Variants in RAP1GAP2 observed in about 807,000 individuals in gnomAD.
RAP1GAP2 encodes the protein RAP1 GTPase activating protein 2.
Under a neutral mutation model 95.0 loss-of-function variants are expected in RAP1GAP2, and 27 were observed. That is an observed-to-expected ratio of 0.28 (90% CI 0.21 to 0.39). The LOEUF (loss-of-function observed/expected upper bound fraction) is 0.39. Ranked by LOEUF, RAP1GAP2 falls within the 10% of genes least tolerant of loss-of-function variation. The pLI is 1.00. For synonymous variants in RAP1GAP2, 373 were observed against 380.9 expected, an observed-to-expected ratio of 0.98 and a Z score of 0.24; for missense variants, 771 against 970.0, an observed-to-expected ratio of 0.79 and a Z score of 2.72.
intron 2 of RAP1GAP2, among the ~76,000 whole-genome samples, chr17:2,840,487 G>A (rs1175355111): frequency 1.3e-5 from 2 of 151,800 alleles, no homozygotes; most frequent in Admixed American, 6.6e-5. Flanking sequence ...TCTTCCATCC[G>A]TAGTATACTG....
chr17:2,922,889 A>C (rs190131335), intron 3 of RAP1GAP2, among the ~76,000 whole-genome samples: 1 of 143,780 alleles, frequency 7.0e-6, no homozygotes, highest in Non-Finnish European at 1.5e-5. Flanking sequence ...TTGGAGTGCA[A>C]TGGTGCGACC....
At chr17:2,945,226 ATTGT>A (rs376502541) in intron 3 of RAP1GAP2, among the ~76,000 whole-genome samples, 284 of 151,960 alleles carry the variant, frequency 1.9e-3, no homozygotes, top group African/African-American at 5.6e-3. Context: ...TTGTTTATTG[ATTGT>A]TTATTTTAAT....
At chr17:2,876,462 G>A (rs188584941) in intron 2 of RAP1GAP2, among the ~76,000 whole-genome samples, 215 of 152,212 alleles carry the variant, frequency 1.4e-3, no homozygotes, top group African/African-American at 4.9e-3. Flanking sequence ...AACCAGAATC[G>A]GGGGTTTTGG....
intron 2 of RAP1GAP2, among the ~76,000 whole-genome samples, chr17:2,809,091 A>G (rs1447382498): frequency 6.6e-6 from 1 of 151,624 alleles, no homozygotes; most frequent in Non-Finnish European, 1.5e-5. Context: ...AGGTCTGCAG[A>G]CTCCAAGACC....
intron 3 of RAP1GAP2, among the ~76,000 whole-genome samples, chr17:2,914,211 A>G (rs1331195907): frequency 6.6e-6 from 1 of 151,996 alleles, no homozygotes. Context: ...CTGTTTGCCA[A>G]ATGGTCAGGC....
At chr17:2,909,248 T>A (rs1273076551) in intron 3 of RAP1GAP2, among the ~76,000 whole-genome samples, 1 of 151,968 alleles carries the variant, frequency 6.6e-6, no homozygotes, top group African/African-American at 2.4e-5. Context: ...TTCACGGTGG[T>A]GGGACCGGCA....
At chr17:2,890,318 T>C (rs17835077) in intron 2 of RAP1GAP2, among the ~76,000 whole-genome samples, 24,063 of 152,218 alleles carry the variant, frequency 0.16, 2,107 homozygotes, top group Non-Finnish European at 0.2. Flanking sequence ...CCTGAAATGC[T>C]GTAGTCTGTC....
At chr17:2,863,584 C>T (rs9895064) in intron 2 of RAP1GAP2, among the ~76,000 whole-genome samples, 98,124 of 152,120 alleles carry the variant, frequency 0.65, 31,929 homozygotes, top group African/African-American at 0.75. Flanking sequence ...TTCTCTTTCT[C>T]TACTGTAAAG....
intron 2 of RAP1GAP2, among the ~76,000 whole-genome samples, chr17:2,834,488 A>G (rs1480859005): frequency 6.6e-6 from 1 of 152,186 alleles, no homozygotes. Flanking sequence ...CTCCTGAGAA[A>G]TAACTTCAAG....
In RAP1GAP2 at chr17:3,027,862, C is replaced by T. The variant is rs931921534; in HGVS notation, c.2107+792C>T. On this transcript the variant is annotated intron_variant, in intron 22 of 24. Transcript: ENST00000254695. This position sits in a 1 kb window ranked among gnomAD's most constrained non-coding sequence, Gnocchi z 5.2. The stretch of plus-strand genomic sequence containing the variant: ...GGAGAGATCAAGGAGGTAAAATGTA[C>T]GGGCTCAGTAGCAGGGGTTCAGAGA... 2.0e-5 allele frequency among the ~76,000 whole-genome samples: 3 copies of T among 151,746 alleles called. No homozygotes were observed. The highest frequency in any genetic ancestry group is 1.9e-4 in the East Asian group (1 of 5,154).
upstream of RAP1GAP2, chr17:2,796,311 G>A (rs374873384): frequency 1.0e-4 from 58 of 574,402 alleles, no homozygotes; most frequent in East Asian, 7.3e-4. The surrounding 1 kb of genome is among the most constrained non-coding windows in gnomAD (Gnocchi z 4.7). Flanking sequence ...CAACCTCCTC[G>A]GCCTATCTTG....
rs887891566 is a variant in RAP1GAP2 at position 3,029,652 on chromosome 17, C to T, written c.2108-1270C>T. ...TGTTGTAGCCCTGGGTGGAACTCCTCGATTCGAAGCACCACGAACCAGCCA... is the reference window on the plus strand; with the variant it reads ...TGTTGTAGCCCTGGGTGGAACTCCTTGATTCGAAGCACCACGAACCAGCCA... On this transcript the variant is annotated intron_variant, in intron 22 of 24. Coordinates refer to ENST00000254695, the MANE Select transcript of RAP1GAP2 (RefSeq NM_015085.5). This position sits in a 1 kb window ranked among gnomAD's most constrained non-coding sequence, Gnocchi z 4.4. Among the ~76,000 whole-genome samples the T allele has an allele frequency of 2.0e-5, 3 of 152,100 alleles. No homozygotes were observed. The highest frequency in any genetic ancestry group is 4.8e-5 in the African/African-American group (2 of 41,404).
At chr17:2,929,876 G>A (rs1280455142) in intron 3 of RAP1GAP2, among the ~76,000 whole-genome samples, 1 of 152,094 alleles carries the variant, frequency 6.6e-6, no homozygotes, top group African/African-American at 2.4e-5. Context: ...AGTGCACCCC[G>A]AGATCACCAG....
chr17:2,996,127 G>C (rs761714539), intron 13 of RAP1GAP2, among the ~76,000 whole-genome samples: 6 of 152,040 alleles, frequency 3.9e-5, no homozygotes, highest in African/African-American at 1.5e-4. Flanking sequence ...TGGTTATTGC[G>C]TGAGAATCCT....
At chr17:2,984,260 C>G (rs1212554042) in intron 10 of RAP1GAP2, among the ~76,000 whole-genome samples, 1 of 152,060 alleles carries the variant, frequency 6.6e-6, no homozygotes, top group Non-Finnish European at 1.5e-5. Flanking sequence ...AGGCAGGAGA[C>G]TTGCTTGAAC....
At chr17:2,873,423 T>C (rs2072935269) in intron 2 of RAP1GAP2, among the ~76,000 whole-genome samples, 2 of 124,746 alleles carry the variant, frequency 1.6e-5, no homozygotes, top group Non-Finnish European at 1.6e-5. Flanking sequence ...TGCAATGAGC[T>C]GAGATTTTGC....
At chr17:2,780,709 C>T (rs1037150031) in intron 1 of RAP1GAP2, among the ~76,000 whole-genome samples, 17 of 152,236 alleles carry the variant, frequency 1.1e-4, no homozygotes, top group African/African-American at 4.1e-4. Flanking sequence ...ACCCAGCAGC[C>T]GCCGTCTTCA....
chr17:2,982,721 C>T (rs970227838), intron 10 of RAP1GAP2, among the ~76,000 whole-genome samples: 4 of 151,944 alleles, frequency 2.6e-5, no homozygotes, highest in African/African-American at 9.7e-5. Context: ...ACTTAACTAC[C>T]GGTTTGGCAA....
In RAP1GAP2 at chr17:2,862,616, G is replaced by A. The variant is rs1222651314; in HGVS notation, c.81-42668G>A. 3.3e-5 allele frequency among the ~76,000 whole-genome samples: 5 copies of A among 152,096 alleles called. No individual in the cohort carries two copies. The South Asian group carries it at 1.0e-3, about 32-fold the overall frequency. ...AGGCAAGATGATTTCAGGTGGACAA[G>A]TGCTTTTTATTTTAATAGCTACTTT... On this transcript the variant is annotated intron_variant, in intron 2 of 24. Transcript: ENST00000254695.
Sources: allele counts gnomAD v4.1 joint callset (sites outside exome capture counted in the v4.1 genomes callset), GRCh38; gene constraint gnomAD v4.1.1; non-coding constraint Gnocchi (gnomAD v3.1); transcripts MANE v1.5; gene names NCBI Gene and HGNC (gene_info 2026-07-23, HGNC 2026-07-21).